OPN3: variants seen among roughly 807,000 people sequenced by gnomAD.
OPN3 encodes opsin-3.
Under a neutral mutation model 33.8 loss-of-function variants are expected in OPN3, and 29 were observed. That is an observed-to-expected ratio of 0.86 (90% CI 0.64 to 1.17). The LOEUF (loss-of-function observed/expected upper bound fraction) is 1.17. OPN3 is among the 50% of genes most tolerant of loss of function. The pLI, the probability that OPN3 is intolerant of heterozygous loss-of-function variation, is 0.00. For synonymous variants in OPN3, 216 were observed against 216.1 expected (o/e 1.00, Z 0.00); for missense variants, 437 against 514.1 (o/e 0.85, Z 1.45).
chr1:241,606,837 G>A (rs1231013353), intron 1 of OPN3, among the ~76,000 whole-genome samples: 1 of 152,134 alleles, frequency 6.6e-6, no homozygotes, highest in South Asian at 2.1e-4. Context: ...GGTGGCAAAC[G>A]GGTTAAGAGG....
intron 1 of OPN3, chr1:241,634,581 A>G (rs767264972): frequency 6.2e-7 from 1 of 1,613,848 alleles, no homozygotes; most frequent in South Asian, 1.1e-5. Context: ...ATTCCACCAA[A>G]AACTGCACAC....
Position 241,604,378 on chromosome 1 carries a change from C to T in OPN3, c.575G>A (p.Trp192Ter). 6.2e-7 allele frequency: 1 copy of T among 1,614,160 alleles called. No homozygotes were observed. Among genetic ancestry groups the T allele is most frequent in the Non-Finnish European group, 8.5e-7 (1 of 1,180,042 alleles). Residue 192 changes from tryptophan to a stop codon, truncating the protein, a stop_gained, in exon 2 of 4, where the codon TGG becomes TAG. Coordinates refer to ENST00000366554, the MANE Select transcript of OPN3 (RefSeq NM_014322.3). LOFTEE classifies it high-confidence loss of function. ...GGAATCGTTGGCATCCTTGGATTTC[C>T]AGTCCACAGTGCAGCCTAGTCCGTG... ...DVHGLGCTVD[W>*]KSKDANDSSF...
rs761810188 is a variant in OPN3, at chr1:241,607,633, AAAGG to A, written c.374-3058_374-3055del. The stretch of plus-strand genomic sequence containing the variant: ...GGAGGGAAGGAAGGAAGAAAAAGAA[AAAGG>A]AAGAAAGAAGAAAGAAGAAAGAAAG... On this transcript the variant is annotated intron_variant, in intron 1 of 3. Coordinates refer to ENST00000366554, the MANE Select transcript of OPN3 (RefSeq NM_014322.3). Among the ~76,000 whole-genome samples, 80 of 150,130 alleles carry A rather than the reference AAAGG, an allele frequency of 5.3e-4. 1 individual carries two copies. The East Asian group carries it at 9.3e-3, about 18-fold the overall frequency.
At chr1:241,605,434 T>G (rs1202442455) in intron 1 of OPN3, among the ~76,000 whole-genome samples, 12 of 152,214 alleles carry the variant, frequency 7.9e-5, no homozygotes, top group Non-Finnish European at 1.8e-4. Context: ...CTTCTGGGCT[T>G]GCATGGTCTT....
chr1:241,634,408 C>G lies in OPN3; in HGVS notation c.373+5474G>C, dbSNP rs746772887. 6.2e-6 allele frequency: 10 copies of G among 1,613,802 alleles called. No individual in the cohort carries two copies. The South Asian group carries it at 9.9e-5, about 16-fold the overall frequency. On this transcript the variant is annotated intron_variant, in intron 1 of 3. Coordinates refer to ENST00000366554, the MANE Select transcript of OPN3 (RefSeq NM_014322.3). ...CTGTAATGAGTACTGCCCTAGAGATCTGCTTATACTGCACATTTGAGCATG... is the reference window on the plus strand; with the variant it reads ...CTGTAATGAGTACTGCCCTAGAGATGTGCTTATACTGCACATTTGAGCATG...
At chr1:241,608,037 C>T (rs908077192) in intron 1 of OPN3, among the ~76,000 whole-genome samples, 5 of 152,064 alleles carry the variant, frequency 3.3e-5, no homozygotes, top group South Asian at 2.1e-4. Context: ...CATAAGTTGA[C>T]GCTAATGAAA....
At chr1:241,638,115 T>G (rs1348575543) in intron 1 of OPN3, among the ~76,000 whole-genome samples, 2 of 152,216 alleles carry the variant, frequency 1.3e-5, no homozygotes, top group African/African-American at 2.4e-5. Flanking sequence ...TCTCGGAATC[T>G]CTTATCTCAG....
chr1:241,594,575 C>T lies in OPN3; in HGVS notation c.1062G>A (p.Gln354=). The T allele has an allele frequency of 1.2e-6, 2 of 1,614,138 alleles. No homozygotes were observed. Among genetic ancestry groups the T allele is most frequent in the Non-Finnish European group, 1.7e-6 (2 of 1,179,996 alleles). ...EMQIRPIVMS[Q]KDGDRPKKKV... ...TTTTCTTTGGCCTGTCCCCATCTTT[C>T]TGTGACATCACAATGGGTCTGATCT... The change falls in exon 4 of 4, where the codon CAG becomes CAA. Residue 354 remains glutamine (Q), a synonymous_variant. Coordinates refer to ENST00000366554, the MANE Select transcript of OPN3 (RefSeq NM_014322.3).
chr1:241,639,645 G>C (rs1665034722), intron 1 of OPN3, among the ~76,000 whole-genome samples: 3 of 151,690 alleles, frequency 2.0e-5, no homozygotes, highest in Admixed American at 1.3e-4. Flanking sequence ...CCACAGGAAT[G>C]GAGTCCTGGA....
chr1:241,612,220 G>A (rs1466529140), intron 1 of OPN3, among the ~76,000 whole-genome samples: 1 of 152,086 alleles, frequency 6.6e-6, no homozygotes, highest in African/African-American at 2.4e-5. Flanking sequence ...CTATAAAATG[G>A]GGCAACTGTA....
At chr1:241,627,357 A>T (rs555317200) in intron 1 of OPN3, among the ~76,000 whole-genome samples, 20 of 152,240 alleles carry the variant, frequency 1.3e-4, no homozygotes, top group African/African-American at 4.3e-4. Flanking sequence ...GTAATAAATC[A>T]CTCTTGAGAT....
chr1:241,635,968 T>C (rs1664882906), intron 1 of OPN3: 1 of 570,848 alleles, frequency 1.8e-6, no homozygotes, highest in African/African-American at 1.9e-5. Context: ...GTACATCTAA[T>C]CACATCTGAG....
chr1:241,616,905 A>G (rs6660991), intron 1 of OPN3, among the ~76,000 whole-genome samples: 13,857 of 152,248 alleles, frequency 0.091, 789 homozygotes, highest in African/African-American at 0.16. Flanking sequence ...CAGTCCTTAC[A>G]TGATAATTTT....
At position 241,633,885 on chromosome 1, in the gene OPN3, G is replaced by A. The variant is rs750207699; in HGVS notation, c.373+5997C>T. 2.2e-5 allele frequency: 36 copies of A among 1,613,790 alleles called. No homozygotes were observed. In the East Asian group the frequency reaches 2.9e-4, roughly 13 times the overall value. On this transcript the variant is annotated intron_variant, in intron 1 of 3. Transcript: ENST00000366554. ...GCCATTACTACATTATTGGTTCCAG[G>A]AGCCTCTGGCTGCTTATCATCACCA...
chr1:241,637,748 T>C (rs1664953830), intron 1 of OPN3, among the ~76,000 whole-genome samples: 1 of 152,152 alleles, frequency 6.6e-6, no homozygotes, highest in East Asian at 1.9e-4. Flanking sequence ...AACTGATAGC[T>C]GGAGAGATTA....
intron 1 of OPN3, among the ~76,000 whole-genome samples, chr1:241,613,395 A>T (rs1480914031): frequency 1.3e-5 from 2 of 152,238 alleles, no homozygotes; most frequent in Non-Finnish European, 2.9e-5. Flanking sequence ...CCAAGACTCG[A>T]ATCACACAGT....
rs1030781487 is a variant in OPN3, at chr1:241,617,109, G to T, written c.374-12530C>A. 4.6e-5 allele frequency among the ~76,000 whole-genome samples: 7 copies of T among 152,226 alleles called. 1 individual carries two copies. The South Asian group carries it at 6.2e-4, about 14-fold the overall frequency. ...TAATTAGATCTTTCCAGACATGTCA[G>T]GCAGGAAAGTCTCATCGTCCCCATT... On this transcript the variant is annotated intron_variant, in intron 1 of 3. Coordinates refer to ENST00000366554, the MANE Select transcript of OPN3 (RefSeq NM_014322.3).
intron 3 of OPN3, among the ~76,000 whole-genome samples, chr1:241,596,071 A>C (rs1236329474): frequency 6.6e-6 from 1 of 152,238 alleles, no homozygotes; most frequent in East Asian, 1.9e-4. Context: ...GGGCAACCAT[A>C]CATACTGAAG....
intron 1 of OPN3, chr1:241,633,654 G>A: frequency 2.4e-6 from 2 of 820,460 alleles, no homozygotes; most frequent in Admixed American, 2.5e-5. Context: ...AATGCTGAAT[G>A]TCTGAGAGTT....
Sources: allele counts gnomAD v4.1 joint callset (sites outside exome capture counted in the v4.1 genomes callset), GRCh38; gene constraint gnomAD v4.1.1; transcripts MANE v1.5; gene names NCBI Gene and HGNC (gene_info 2026-07-23, HGNC 2026-07-21).